The following LRRTM4 variants were observed in gnomAD, a reference collection of about 807,000 sequenced individuals.
The protein encoded by LRRTM4 is leucine rich repeat transmembrane neuronal 4, also known as leucine-rich repeat transmembrane neuronal protein 4.
Under a neutral mutation model 47.6 loss-of-function variants are expected in LRRTM4, and 25 were observed. The observed-to-expected ratio is 0.53, with a 90% CI of 0.38 to 0.73. The LOEUF (loss-of-function observed/expected upper bound fraction) is 0.73, where lower values mean the gene tolerates loss of function less well. LRRTM4 is among the 30% of genes least tolerant of loss of function. The pLI, the probability that LRRTM4 is intolerant of heterozygous loss-of-function variation, is 0.00. For synonymous variants in LRRTM4, 311 were observed against 269.5 expected, an observed-to-expected ratio of 1.15 and a Z score of -1.51; for missense variants, 638 against 713.4, an observed-to-expected ratio of 0.89 and a Z score of 1.20.
chr2:77,405,654 G>T (rs1674153835), intron 3 of LRRTM4, among the ~76,000 whole-genome samples: 1 of 151,966 alleles, frequency 6.6e-6, no homozygotes, highest in Non-Finnish European at 1.5e-5. Flanking sequence ...TTTAGTAAAA[G>T]AACTACTCCT....
At chr2:76,875,981 T>G (rs1573243006) in intron 3 of LRRTM4, among the ~76,000 whole-genome samples, 1 of 152,092 alleles carries the variant, frequency 6.6e-6, no homozygotes, top group South Asian at 2.1e-4. Context: ...ATACCAGTTA[T>G]GGGAGAAACC....
intron 3 of LRRTM4, among the ~76,000 whole-genome samples, chr2:76,957,930 ATGTG>A (rs201976356): frequency 4.6e-5 from 7 of 151,370 alleles, no homozygotes; most frequent in East Asian, 3.9e-4. Context: ...GTGTATATAT[ATGTG>A]TGTGTGTATA....
intron 3 of LRRTM4, among the ~76,000 whole-genome samples, chr2:77,475,797 C>T (rs1677364597): frequency 6.6e-6 from 1 of 151,464 alleles, no homozygotes; most frequent in Non-Finnish European, 1.5e-5. Flanking sequence ...GTATATACTT[C>T]ACATGCTTTT....
intron 3 of LRRTM4, among the ~76,000 whole-genome samples, chr2:77,372,455 T>G (rs918913628): frequency 6.6e-6 from 1 of 151,748 alleles, no homozygotes; most frequent in East Asian, 1.9e-4. Flanking sequence ...TAATTTTTAA[T>G]GGACACAGTG....
At chr2:76,899,656 A>C (rs1673554208) in intron 3 of LRRTM4, among the ~76,000 whole-genome samples, 1 of 152,100 alleles carries the variant, frequency 6.6e-6, no homozygotes, top group African/African-American at 2.4e-5. Flanking sequence ...AGTAATAGAA[A>C]AATTATTAAA....
chr2:77,098,810 G>T (rs1468057519), intron 3 of LRRTM4, among the ~76,000 whole-genome samples: 1 of 151,416 alleles, frequency 6.6e-6, no homozygotes, highest in Admixed American at 6.6e-5. Flanking sequence ...AAATCAATGA[G>T]AAATTATCAA....
chr2:77,486,673 G>A (rs180969635), intron 3 of LRRTM4, among the ~76,000 whole-genome samples: 1 of 152,266 alleles, frequency 6.6e-6, no homozygotes, highest in Non-Finnish European at 1.5e-5. Flanking sequence ...ATATTTGAGC[G>A]AATCTAGGGA....
chr2:77,075,866 G>T (rs1198076391), intron 3 of LRRTM4, among the ~76,000 whole-genome samples: 3 of 115,378 alleles, frequency 2.6e-5, no homozygotes, highest in African/African-American at 3.4e-5. Flanking sequence ...AGTGAGCCGA[G>T]ATCCCGCCAC....
chr2:76,859,602 G>A (rs1430951569), intron 3 of LRRTM4, among the ~76,000 whole-genome samples: 2 of 152,022 alleles, frequency 1.3e-5, no homozygotes, highest in Non-Finnish European at 2.9e-5. Context: ...GTGATTAAGT[G>A]CAAAATATAT....
At chr2:77,481,049 A>G (rs1201290941) in intron 3 of LRRTM4, among the ~76,000 whole-genome samples, 3 of 152,122 alleles carry the variant, frequency 2.0e-5, no homozygotes, top group Non-Finnish European at 2.9e-5. Flanking sequence ...TCCTTTGCCT[A>G]TTCCCTAACT....
chr2:77,490,509 T>A (rs1045185366), intron 3 of LRRTM4, among the ~76,000 whole-genome samples: 11 of 152,168 alleles, frequency 7.2e-5, no homozygotes, highest in African/African-American at 2.7e-4. Context: ...AGAGCAGTAC[T>A]TTCTGGGAGG....
At chr2:77,146,689 T>C (rs1485850168) in intron 3 of LRRTM4, among the ~76,000 whole-genome samples, 1 of 152,214 alleles carries the variant, frequency 6.6e-6, no homozygotes, top group South Asian at 2.1e-4. Flanking sequence ...ATTAAACATA[T>C]GTTTCACTAA....
chr2:76,851,231 C>A (rs1671983651), intron 3 of LRRTM4, among the ~76,000 whole-genome samples: 1 of 152,144 alleles, frequency 6.6e-6, no homozygotes, highest in Non-Finnish European at 1.5e-5. Context: ...CTCACAGCAT[C>A]TTTTGTCAGA....
intron 3 of LRRTM4, among the ~76,000 whole-genome samples, chr2:77,354,592 G>T (rs1344513455): frequency 6.6e-6 from 1 of 152,064 alleles, no homozygotes; most frequent in Admixed American, 6.6e-5. Context: ...ACTGGTAAGG[G>T]AGTCACAGAA....
At chr2:77,144,250 G>C (rs1422545660) in intron 3 of LRRTM4, among the ~76,000 whole-genome samples, 1 of 152,034 alleles carries the variant, frequency 6.6e-6, no homozygotes, top group African/African-American at 2.4e-5. Flanking sequence ...CTTGAGAACA[G>C]TCACTCTGTG....
At chr2:76,921,642 C>T (rs1320487633) in intron 3 of LRRTM4, among the ~76,000 whole-genome samples, 1 of 152,020 alleles carries the variant, frequency 6.6e-6, no homozygotes, top group African/African-American at 2.4e-5. Flanking sequence ...GGACATTATA[C>T]CATAGGCATT....
intron 3 of LRRTM4, among the ~76,000 whole-genome samples, chr2:77,487,196 T>C (rs186237355): frequency 1.3e-5 from 2 of 152,242 alleles, no homozygotes; most frequent in African/African-American, 2.4e-5. Flanking sequence ...TCTGAGTTGG[T>C]GGGGCAGAAG....
chr2:76,994,920 T>C (rs957495102), intron 3 of LRRTM4, among the ~76,000 whole-genome samples: 3 of 152,020 alleles, frequency 2.0e-5, no homozygotes, highest in Admixed American at 6.6e-5. Flanking sequence ...TAAATTATTA[T>C]CTGACCTAAC....
intron 3 of LRRTM4, among the ~76,000 whole-genome samples, chr2:76,902,464 T>G (rs958673633): frequency 1.3e-5 from 2 of 152,188 alleles, no homozygotes; most frequent in Non-Finnish European, 2.9e-5. Flanking sequence ...CACCTTACCA[T>G]GACCAGAGAT....
Sources: gnomAD v4.1 joint callset for allele counts (sites outside exome capture counted in the v4.1 genomes callset) on GRCh38, gnomAD v4.1.1 for gene constraint, MANE v1.5 for transcripts, NCBI Gene and HGNC (gene_info 2026-07-23, HGNC 2026-07-21) for gene names.